Variants in ADRA1B observed in about 807,000 individuals in gnomAD.
ADRA1B encodes alpha-1B adrenergic receptor.
ADRA1B carries 17 observed loss-of-function variants against 17.9 expected under a neutral mutation model. The ratio of observed to expected loss-of-function variants is 0.95; its 90% CI spans 0.65 to 1.42. The LOEUF (loss-of-function observed/expected upper bound fraction) is 1.42. Ranked by LOEUF, ADRA1B falls within the 40% of genes most tolerant of loss-of-function variation. ADRA1B has a pLI of 0.00. For missense variants in ADRA1B, 681 were observed against 722.1 expected (o/e 0.94, Z 0.65); for synonymous variants, 366 against 327.6 (o/e 1.12, Z -1.27).
chr5:159,882,248 G>A lies in ADRA1B; in HGVS notation c.-256+17042G>A, dbSNP rs560150785. ...TAGCCATGTAGTCATCAAAGGGTGT[G>A]CCTCAGACCTTGAGGGTTCCCCAGA... On this transcript the variant is annotated intron_variant, in intron 1 of 2. Coordinates refer to the ADRA1B transcript ENST00000641205. Among the ~76,000 whole-genome samples the A allele has an allele frequency of 2.4e-4, 37 of 152,280 alleles. 1 individual carries two copies. Among genetic ancestry groups the A allele is most frequent in the African/African-American group, 8.4e-4 (35 of 41,556 alleles).
intron 1 of ADRA1B, among the ~76,000 whole-genome samples, chr5:159,910,393 T>C (rs987491287): frequency 1.3e-5 from 2 of 152,116 alleles, no homozygotes; most frequent in Admixed American, 6.5e-5. Context: ...CAGATGAAAG[T>C]GGTGGCAAAA....
intron 1 of ADRA1B, among the ~76,000 whole-genome samples, chr5:159,934,853 A>AT (rs1352976878): frequency 6.6e-6 from 1 of 151,872 alleles, no homozygotes; most frequent in East Asian, 1.9e-4. Flanking sequence ...GAAATCTGAC[A>AT]TATCTGTCTG....
Position 159,971,856 on chromosome 5 carries a change from GCCCACC to G in ADRA1B, c.950-19_950-14del. On this transcript the variant is annotated splice_polypyrimidine_tract_variant and intron_variant, in intron 1 of 1. Transcript: ENST00000306675. Reference sequence around the variant, plus strand: ...CACAAATTGCTGTCTTTCTGCCCGTGCCCACCCCCCTCCCCACTGCAGGCTCCTTGT... The same window carrying G: ...CACAAATTGCTGTCTTTCTGCCCGTGCCCCTCCCCACTGCAGGCTCCTTGT... 4.6e-6 allele frequency: 6 copies of G among 1,306,162 alleles called. No individual in the cohort carries two copies. The highest frequency in any genetic ancestry group is 5.9e-6 in the Non-Finnish European group (6 of 1,017,624). 80.9% of individuals were successfully genotyped at this position (1,306,162 alleles called of 1,614,324 possible).
intron 1 of ADRA1B, chr5:159,947,563 A>G (rs1755311192): frequency 3.4e-6 from 1 of 295,634 alleles, no homozygotes; most frequent in Non-Finnish European, 5.0e-6. Context: ...GGTTGTTGCA[A>G]TAAGCCTCAT....
Position 159,924,758 on chromosome 5 carries a change from G to A in ADRA1B, c.949+6904G>A, listed in dbSNP as rs189204020. On this transcript the variant is annotated intron_variant, in intron 1 of 1. Coordinates refer to ENST00000306675, the MANE Select transcript of ADRA1B (RefSeq NM_000679.4). ...AGGAAATGCCTTTACCTGAGTGTGT[G>A]TGTGGCTAGTAAAAATAACTGATGT... Among the ~76,000 whole-genome samples, 20 of 152,322 alleles carry A rather than the reference G, an allele frequency of 1.3e-4. No individual in the cohort carries two copies. In the East Asian group the frequency reaches 3.9e-3, roughly 29 times the overall value.
At chr5:159,951,378 T>C (rs1755434289) in intron 1 of ADRA1B, 5 of 964,486 alleles carry the variant, frequency 5.2e-6, no homozygotes, top group Admixed American at 1.7e-5. Context: ...AACCATGTAG[T>C]TGAGGTCAAT....
chr5:159,910,900 T>C (rs1448113457), intron 1 of ADRA1B, among the ~76,000 whole-genome samples: 2 of 152,168 alleles, frequency 1.3e-5, no homozygotes, highest in African/African-American at 4.8e-5. Flanking sequence ...TTTGTTTTGC[T>C]TTGTCTTTTG....
chr5:159,879,377 C>A (rs2113084556), intron 1 of ADRA1B, among the ~76,000 whole-genome samples: 1 of 152,264 alleles, frequency 6.6e-6, no homozygotes, highest in South Asian at 2.1e-4. Flanking sequence ...TGCCTGTAAG[C>A]ACGACGGTGG....
rs1435620296 is a variant in ADRA1B at position 159,951,132 on chromosome 5, G to A, written c.950-20747G>A. 1.6e-5 allele frequency: 12 copies of A among 746,416 alleles called. No individual in the cohort carries two copies. In the African/African-American group the frequency reaches 1.7e-4, roughly 11 times the overall value. The allele number at this position is 746,416 out of a possible 1,614,324, so 46.2% of individuals were successfully genotyped here. ...ACGAACATGGGGGCATCAGCAGAGG[G>A]GGCAGAGATGATGACCCTTGTAGCT... On this transcript the variant is annotated intron_variant, in intron 1 of 1. Transcript: ENST00000306675.
chr5:159,973,094 A>G (rs1324280406), downstream of ADRA1B, among the ~76,000 whole-genome samples: 2 of 152,148 alleles, frequency 1.3e-5, no homozygotes, highest in Non-Finnish European at 2.9e-5. Flanking sequence ...ACCCGGTCCT[A>G]GGTCTTAGGG....
chr5:159,891,607 T>G (rs1753983454), intron 1 of ADRA1B, among the ~76,000 whole-genome samples: 1 of 151,988 alleles, frequency 6.6e-6, no homozygotes, highest in Non-Finnish European at 1.5e-5. Flanking sequence ...GACTTGGAGG[T>G]GGAAAGGCGC....
intron 1 of ADRA1B, among the ~76,000 whole-genome samples, chr5:159,944,418 C>A (rs1271055709): frequency 1.3e-5 from 2 of 152,240 alleles, no homozygotes; most frequent in African/African-American, 2.4e-5. Flanking sequence ...AGCACAAGAT[C>A]TCTGTTAATC....
intron 1 of ADRA1B, 126 bp from the exon 2 acceptor site, chr5:159,971,753 G>C (rs1215092725): frequency 2.9e-6 from 3 of 1,038,892 alleles, no homozygotes; most frequent in South Asian, 4.2e-5. Flanking sequence ...GAACCGGCTC[G>C]GGGAAAGGCC....
intron 1 of ADRA1B, among the ~76,000 whole-genome samples, chr5:159,911,196 T>A (rs1348294153): frequency 6.6e-6 from 1 of 152,140 alleles, no homozygotes; most frequent in Non-Finnish European, 1.5e-5. Context: ...GGCAAAGTGA[T>A]AGTGGCAAGC....
chr5:159,888,369 A>G lies in ADRA1B; in HGVS notation c.-256+23163A>G, dbSNP rs573872772. ...GCCTGAACAAATTTTTGAATAGTGC[A>G]TACGAGTTCCCCAGATGAAAAGGGG... On this transcript the variant is annotated intron_variant, in intron 1 of 2. Coordinates refer to the ADRA1B transcript ENST00000641205. 2.6e-5 allele frequency: 4 copies of G among 152,298 alleles called. No individual in the cohort carries two copies. In the East Asian group the frequency reaches 7.7e-4, roughly 29 times the overall value. 9.4% of individuals were successfully genotyped at this position (152,298 alleles called of 1,614,324 possible). A position where few individuals can be genotyped will look rare whatever the true frequency, so the allele number is the denominator to read the frequency against.
Position 159,916,778 on chromosome 5 carries a change from T to C in ADRA1B, c.-128T>C. ...GGCTGGGCTGCCCGGGGGAGATGAC[T>C]CCTCGCCAGGAGGGCGCCTCTGGGA... On this transcript the variant is annotated 5_prime_UTR_variant, in exon 1 of 2. Transcript: ENST00000306675. 1.1e-6 allele frequency: 1 copy of C among 900,292 alleles called. No individual in the cohort carries two copies. The allele number at this position is 900,292 out of a possible 1,614,324, so 55.8% of individuals were successfully genotyped here.
At position 159,971,863 on chromosome 5, in the gene ADRA1B, C is replaced by T; in HGVS notation, c.950-16C>T. 5.4e-6 allele frequency: 2 copies of T among 372,966 alleles called. No homozygotes were observed. Among genetic ancestry groups the T allele is most frequent in the Admixed American group, 4.0e-5 (1 of 24,708 alleles). 23.1% of individuals were successfully genotyped at this position (372,966 alleles called of 1,614,324 possible). ...TGCTGTCTTTCTGCCCGTGCCCACC[C>T]CCCTCCCCACTGCAGGCTCCTTGTT... On this transcript the variant is annotated splice_polypyrimidine_tract_variant and intron_variant, in intron 1 of 1. Transcript: ENST00000306675.
At chr5:159,974,718 T>A (rs1168108666), downstream of ADRA1B, among the ~76,000 whole-genome samples, 1 of 152,088 alleles carries the variant, frequency 6.6e-6, no homozygotes, top group African/African-American at 2.4e-5. Flanking sequence ...ATAAACTGTT[T>A]CCATAAAAAC....
intron 1 of ADRA1B, among the ~76,000 whole-genome samples, chr5:159,934,417 C>T (rs926887324): frequency 3.9e-5 from 6 of 152,054 alleles, no homozygotes; most frequent in Non-Finnish European, 5.9e-5. Flanking sequence ...CCCACCCCCT[C>T]GTCTTGAGGA....
Sources: allele counts gnomAD v4.1 joint callset (sites outside exome capture counted in the v4.1 genomes callset), GRCh38; gene constraint gnomAD v4.1.1; transcripts MANE v1.5; gene names NCBI Gene and HGNC (gene_info 2026-07-23, HGNC 2026-07-21).